Variants in STX17 observed in about 807,000 individuals in gnomAD.
STX17 encodes syntaxin-17.
A neutral mutation model predicts 35.9 loss-of-function variants in STX17; 29 were observed. That is an observed-to-expected ratio of 0.81 (90% confidence interval 0.60 to 1.10). The LOEUF (loss-of-function observed/expected upper bound fraction) is 1.10. Among genes scored for constraint, STX17 ranks in the 50% least tolerant of loss-of-function variants. The pLI is 0.00. For missense variants in STX17, 312 were observed against 352.3 expected, an observed-to-expected ratio of 0.89 and a Z score of 0.92; for synonymous variants, 92 against 118.3, an observed-to-expected ratio of 0.78 and a Z score of 1.44.
intron 3 of STX17, 24 bp from the exon 4 acceptor site, chr9:99,951,036 A>G: frequency 6.4e-7 from 1 of 1,572,374 alleles, no homozygotes; most frequent in Non-Finnish European, 8.6e-7. Context: ...AAATGGTGGC[A>G]TTAATGATTT....
intron 4 of STX17, 128 bp downstream of exon 4, chr9:99,951,413 C>A: frequency 1.3e-6 from 1 of 799,656 alleles, no homozygotes; most frequent in Non-Finnish European, 1.9e-6. Flanking sequence ...ATGCTGAATC[C>A]TTGGACCCTG....
At chr9:99,956,632 G>A (rs1344810920) in intron 4 of STX17, among the ~76,000 whole-genome samples, 1 of 152,056 alleles carries the variant, frequency 6.6e-6, no homozygotes, top group Non-Finnish European at 1.5e-5. Context: ...TAAAATATTG[G>A]CTATTTGCCA....
At chr9:99,951,001 GA>G (rs1330669973) in intron 3 of STX17, 58 bp from the exon 4 acceptor site, 2 of 1,426,034 alleles carry the variant, frequency 1.4e-6, no homozygotes, top group Non-Finnish European at 1.9e-6. Context: ...CATTACTTCT[GA>G]AAAGAAAGAT....
chr9:99,960,065 G>T (rs933068428), intron 5 of STX17, 33 bp downstream of exon 5: 1 of 1,613,684 alleles, frequency 6.2e-7, no homozygotes, highest in Non-Finnish European at 8.5e-7. Context: ...TTTGGTAGTT[G>T]TGAGGCATAA....
At chr9:99,906,790 G>A (rs1331457668) in intron 1 of STX17, 84 bp downstream of exon 1, 1 of 152,286 alleles carries the variant, frequency 6.6e-6, no homozygotes, top group African/African-American at 2.4e-5. Flanking sequence ...GCGCGCGCAA[G>A]AGGCGCTGGG....
intron 1 of STX17, among the ~76,000 whole-genome samples, chr9:99,907,757 C>G (rs1828579823): frequency 6.6e-6 from 1 of 152,080 alleles, no homozygotes; most frequent in Admixed American, 6.6e-5. Context: ...CATACCATAG[C>G]GCAATTATCA....
At chr9:99,945,405 C>T (rs904763583) in intron 3 of STX17, among the ~76,000 whole-genome samples, 2 of 151,932 alleles carry the variant, frequency 1.3e-5, no homozygotes, top group Admixed American at 6.5e-5. Flanking sequence ...CTAATATTGC[C>T]GCAGCAGGTT....
Position 99,968,777 on chromosome 9 carries a change from G to A in STX17, c.*104G>A. 6.7e-7 allele frequency: 1 copy of A among 1,487,880 alleles called. No individual in the cohort carries two copies. 92.2% of individuals were successfully genotyped at this position (1,487,880 alleles called of 1,614,324 possible). A position where few individuals can be genotyped will look rare whatever the true frequency, so the allele number is the denominator to read the frequency against. ...TGGAACACAAGTATATCAAGATAGT[G>A]GCTACTGATGTTCAAGTGGGATTGA... On this transcript the variant is annotated 3_prime_UTR_variant, in exon 8 of 8. Coordinates refer to ENST00000259400, the MANE Select transcript of STX17 (RefSeq NM_017919.3).
At chr9:99,910,885 T>C (rs1421759474) in intron 1 of STX17, among the ~76,000 whole-genome samples, 1 of 152,122 alleles carries the variant, frequency 6.6e-6, no homozygotes, top group African/African-American at 2.4e-5. Context: ...TTTTTCCCCC[T>C]TTTTATTTAG....
chr9:99,952,320 C>T (rs1488708641), intron 4 of STX17, among the ~76,000 whole-genome samples: 1 of 152,124 alleles, frequency 6.6e-6, no homozygotes, highest in Non-Finnish European at 1.5e-5. Flanking sequence ...CAAATCAAAA[C>T]CACAGTGAGA....
intron 2 of STX17, among the ~76,000 whole-genome samples, chr9:99,925,272 T>A (rs899461964): frequency 6.6e-6 from 1 of 152,130 alleles, no homozygotes; most frequent in Non-Finnish European, 1.5e-5. Context: ...TACTTCTAGG[T>A]CCTCTCTTAG....
At chr9:99,912,600 A>G (rs1291850547) in intron 1 of STX17, among the ~76,000 whole-genome samples, 1 of 152,238 alleles carries the variant, frequency 6.6e-6, no homozygotes, top group African/African-American at 2.4e-5. Flanking sequence ...AGAAATAATT[A>G]TAGGCAGCAG....
chr9:99,916,753 AC>A (rs1828783525), intron 2 of STX17, among the ~76,000 whole-genome samples: 1 of 152,242 alleles, frequency 6.6e-6, no homozygotes, highest in Admixed American at 6.5e-5. Flanking sequence ...TAATACTGTG[AC>A]TTTTAAGGAT....
chr9:99,962,627 C>T (rs746487108), intron 6 of STX17, among the ~76,000 whole-genome samples: 7 of 152,170 alleles, frequency 4.6e-5, no homozygotes, highest in Non-Finnish European at 8.8e-5. Context: ...AGGTCTGTGA[C>T]CATAAGATAG....
At chr9:99,951,684 G>A (rs185077672) in intron 4 of STX17, among the ~76,000 whole-genome samples, 133 of 151,856 alleles carry the variant, frequency 8.8e-4, no homozygotes, top group Middle Eastern at 6.8e-3. Context: ...CTATCTTTCA[G>A]CCAAGTTCTC....
In STX17 at chr9:99,967,635, T is replaced by C. The variant is rs1315207748; in HGVS notation, c.583-18T>C. ...GCTCCCCAGCAGGACCGCTCACTCATAATTCCTTTGCATCTAGTCTCAGCA... is the reference window on the plus strand; with the variant it reads ...GCTCCCCAGCAGGACCGCTCACTCACAATTCCTTTGCATCTAGTCTCAGCA... On this transcript the variant is annotated intron_variant, in intron 6 of 7. Transcript: ENST00000259400. 5 of 1,602,908 alleles carry C rather than the reference T, an allele frequency of 3.1e-6. No individual in the cohort carries two copies. The Admixed American group carries it at 8.4e-5, about 27-fold the overall frequency.
chr9:99,946,544 ATT>A (rs1829486315), intron 3 of STX17, among the ~76,000 whole-genome samples: 1 of 152,098 alleles, frequency 6.6e-6, no homozygotes, highest in Non-Finnish European at 1.5e-5. Flanking sequence ...GGTCATCTAG[ATT>A]TACCCACTTT....
At chr9:99,918,505 T>G (rs1828825618) in intron 2 of STX17, among the ~76,000 whole-genome samples, 1 of 150,504 alleles carries the variant, frequency 6.6e-6, no homozygotes, top group African/African-American at 2.4e-5. Flanking sequence ...TTTCTATAGT[T>G]TTTTTTTTTT....
intron 2 of STX17, among the ~76,000 whole-genome samples, 188 bp downstream of exon 2, chr9:99,915,550 C>G (rs1564057423): frequency 6.6e-6 from 1 of 151,856 alleles, no homozygotes; most frequent in Non-Finnish European, 1.5e-5. Context: ...TCATATATTC[C>G]TTTTTCTGGG....
Sources: gnomAD v4.1 joint callset for allele counts (sites outside exome capture counted in the v4.1 genomes callset) on GRCh38, gnomAD v4.1.1 for gene constraint, MANE v1.5 for transcripts, NCBI Gene and HGNC (gene_info 2026-07-23, HGNC 2026-07-21) for gene names.